The following DIS3L2 variants were observed in gnomAD, a reference collection of about 807,000 sequenced individuals.
DIS3L2 encodes DIS3 like 3'-5' exoribonuclease 2.
A neutral mutation model predicts 97.5 loss-of-function variants in DIS3L2; 34 were observed. The ratio of observed to expected loss-of-function variants is 0.35; its 90% CI spans 0.27 to 0.46. DIS3L2 has a LOEUF of 0.46. Ranked by LOEUF, DIS3L2 falls within the 20% of genes least tolerant of loss-of-function variation. DIS3L2 has a pLI of 1.00. For missense variants in DIS3L2, 1,038 were observed against 1,146.0 expected, an observed-to-expected ratio of 0.91 and a Z score of 1.36; for synonymous variants, 435 against 445.2, an observed-to-expected ratio of 0.98 and a Z score of 0.29.
intron 10 of DIS3L2, among the ~76,000 whole-genome samples, chr2:232,226,009 G>C (rs543172855): frequency 3.3e-5 from 5 of 152,208 alleles, no homozygotes; most frequent in African/African-American, 1.2e-4. Flanking sequence ...AGTTGCCTGC[G>C]GCTGGGAAGG....
downstream of DIS3L2, among the ~76,000 whole-genome samples, chr2:232,337,427 G>T (rs571105969): frequency 2.0e-5 from 3 of 152,096 alleles, no homozygotes; most frequent in African/African-American, 4.8e-5. Flanking sequence ...CAGAGGAGCC[G>T]GCCTGGGCCT....
At chr2:232,258,924 G>A (rs562785746) in intron 12 of DIS3L2, among the ~76,000 whole-genome samples, 9 of 152,198 alleles carry the variant, frequency 5.9e-5, no homozygotes, top group East Asian at 1.9e-4. Context: ...TCTGCTTGGC[G>A]TCTGCAGAAG....
At position 232,124,205 on chromosome 2, in the gene DIS3L2, A is replaced by C. The variant is rs566020917; in HGVS notation, c.602-6414A>C. Among the ~76,000 whole-genome samples the C allele has an allele frequency of 5.5e-3, 832 of 152,270 alleles. 3 individuals are homozygous for C. Among genetic ancestry groups the C allele is most frequent in the African/African-American group, 9.6e-3 (400 of 41,558 alleles). Reference sequence around the variant, plus strand: ...CTTCAAAGACAAGAACCATAAGAAAACACAAACAACAGAAGTGGCCCTTCA... The same window carrying C: ...CTTCAAAGACAAGAACCATAAGAAACCACAAACAACAGAAGTGGCCCTTCA... On this transcript the variant is annotated intron_variant, in intron 6 of 20. Coordinates refer to ENST00000325385, the MANE Select transcript of DIS3L2 (RefSeq NM_152383.5).
At position 232,014,913 on chromosome 2, in the gene DIS3L2, AC is replaced by A. The variant is rs1232638033; in HGVS notation, c.-13del. 3 of 1,613,674 alleles carry A rather than the reference AC, an allele frequency of 1.9e-6. No homozygotes were observed. Among genetic ancestry groups the A allele is most frequent in the Non-Finnish European group, 8.5e-7 (1 of 1,179,860 alleles). On this transcript the variant is annotated 5_prime_UTR_variant, in exon 2 of 21. Transcript: ENST00000325385. The stretch of plus-strand genomic sequence containing the variant: ...TTCTCTGGATCTGGAGAGAAGAGTG[AC>A]CTTGGAGCCAATAATGAGCCATCCT...
At chr2:232,160,579 A>G (rs1338311719) in intron 8 of DIS3L2, among the ~76,000 whole-genome samples, 1 of 152,032 alleles carries the variant, frequency 6.6e-6, no homozygotes, top group Non-Finnish European at 1.5e-5. Flanking sequence ...TCTCTTTTCA[A>G]AGAATTAGCT....
chr2:232,176,081 G>C (rs1691143626), intron 9 of DIS3L2, among the ~76,000 whole-genome samples: 1 of 152,090 alleles, frequency 6.6e-6, no homozygotes, highest in Non-Finnish European at 1.5e-5. Context: ...CATAGAGACA[G>C]GGTTTCACCA....
At chr2:231,982,692 T>G (rs920296397) in intron 1 of DIS3L2, among the ~76,000 whole-genome samples, 1 of 152,016 alleles carries the variant, frequency 6.6e-6, no homozygotes, top group Admixed American at 6.6e-5. Flanking sequence ...CATTTTTTTT[T>G]TTTTTGAAAC....
At chr2:232,249,439 C>A in intron 12 of DIS3L2, 93 bp downstream of exon 12, 1 of 1,329,240 alleles carries the variant, frequency 7.5e-7, no homozygotes. Context: ...GGCTTGGGTG[C>A]CATGGTGGTA....
At chr2:232,332,932 G>A (rs1196199228) in intron 16 of DIS3L2, among the ~76,000 whole-genome samples, 1 of 152,064 alleles carries the variant, frequency 6.6e-6, no homozygotes, top group Non-Finnish European at 1.5e-5. Flanking sequence ...CACAGGGCAG[G>A]GGATCGCATC....
intron 1 of DIS3L2, among the ~76,000 whole-genome samples, chr2:232,004,261 C>T (rs935940824): frequency 1.3e-4 from 20 of 152,114 alleles, no homozygotes; most frequent in Middle Eastern, 6.8e-3. Flanking sequence ...TTGGTAAAGA[C>T]GGGGTTTCAC....
rs534677926 is a variant in DIS3L2, at chr2:232,276,540, A to G, written c.1659+13100A>G. Among the ~76,000 whole-genome samples the G allele has an allele frequency of 6.6e-5, 10 of 152,352 alleles. No homozygotes were observed. The East Asian group carries it at 1.7e-3, about 26-fold the overall frequency. On this transcript the variant is annotated intron_variant, in intron 13 of 20. Coordinates refer to ENST00000325385, the MANE Select transcript of DIS3L2 (RefSeq NM_152383.5). The surrounding 1 kb of genome is among the most constrained non-coding windows in gnomAD (Gnocchi z 4.4). ...CTGTGGAGTTCTGTCCTGTTTGCCC[A>G]GAGGCCTCGCTCAGACTTGTTCCTT...
intron 14 of DIS3L2, among the ~76,000 whole-genome samples, chr2:232,320,851 C>T (rs1409534347): frequency 6.6e-6 from 1 of 152,166 alleles, no homozygotes; most frequent in Non-Finnish European, 1.5e-5. Flanking sequence ...CCCTTCCCCA[C>T]CCAACAGCCT....
chr2:232,088,576 GT>G (rs1310795797), intron 6 of DIS3L2, among the ~76,000 whole-genome samples: 1 of 149,810 alleles, frequency 6.7e-6, no homozygotes, highest in Non-Finnish European at 1.5e-5. Context: ...AAAAAAAAAA[GT>G]TTTTTTTGTC....
At chr2:231,969,271 A>G (rs568549776) in intron 1 of DIS3L2, among the ~76,000 whole-genome samples, 61 of 150,068 alleles carry the variant, frequency 4.1e-4, no homozygotes, top group Non-Finnish European at 1.6e-4. Context: ...TTCTCCATCA[A>G]TCTGGCTAAG....
intron 8 of DIS3L2, among the ~76,000 whole-genome samples, chr2:232,139,557 A>G (rs892517634): frequency 6.6e-6 from 1 of 152,176 alleles, no homozygotes; most frequent in South Asian, 2.1e-4. Context: ...ACTCCTGGGA[A>G]AGAGCGTGGA....
intron 5 of DIS3L2, among the ~76,000 whole-genome samples, chr2:232,077,955 CT>C (rs1696248765): frequency 0.011 from 1,227 of 108,808 alleles, 18 homozygotes; most frequent in Non-Finnish European, 0.016. Flanking sequence ...TTCTTTCTTT[CT>C]CTTTCTTTCT....
chr2:232,168,068 A>G (rs140974673), intron 9 of DIS3L2, among the ~76,000 whole-genome samples: 1,566 of 152,166 alleles, frequency 0.01, 26 homozygotes, highest in African/African-American at 0.035. Flanking sequence ...AAATAAATAA[A>G]AATAATTCTA....
At position 232,014,921 on chromosome 2, in the gene DIS3L2, G is replaced by C. The variant is rs1235986942; in HGVS notation, c.-7G>C. The C allele has an allele frequency of 7.4e-6, 12 of 1,613,832 alleles. No homozygotes were observed. The East Asian group carries it at 2.2e-4, about 30-fold the overall frequency. On this transcript the variant is annotated 5_prime_UTR_variant, in exon 2 of 21. Coordinates refer to ENST00000325385, the MANE Select transcript of DIS3L2 (RefSeq NM_152383.5). ...ATCTGGAGAGAAGAGTGACCTTGGA[G>C]CCAATAATGAGCCATCCTGACTACA...
At position 231,994,025 on chromosome 2, in the gene DIS3L2, A is replaced by G. The variant is rs114416717; in HGVS notation, c.-93-20810A>G. 8.0e-3 allele frequency among the ~76,000 whole-genome samples: 1,185 copies of G among 148,300 alleles called. 15 individuals carry two copies. The highest frequency in any genetic ancestry group is 0.028 in the African/African-American group (1,117 of 40,498). Reference sequence around the variant, plus strand: ...AGTTTTTGTATTAGATCTGGGATCCATTTTGAGTTAATTTTTATATATGGT... The same window carrying G: ...AGTTTTTGTATTAGATCTGGGATCCGTTTTGAGTTAATTTTTATATATGGT... On this transcript the variant is annotated intron_variant, in intron 1 of 20. Transcript: ENST00000325385.
Sources: allele counts gnomAD v4.1 joint callset (sites outside exome capture counted in the v4.1 genomes callset), GRCh38; gene constraint gnomAD v4.1.1; non-coding constraint Gnocchi (gnomAD v3.1); transcripts MANE v1.5; gene names NCBI Gene and HGNC (gene_info 2026-07-23, HGNC 2026-07-21).